OR52N4: variants seen among roughly 807,000 people sequenced by gnomAD.
The protein encoded by OR52N4 is olfactory receptor family 52 subfamily N member 4, also known as olfactory receptor 52N4.
Under a neutral mutation model 15.0 loss-of-function variants are expected in OR52N4, and 15 were observed. That is an observed-to-expected ratio of 1.00 (90% CI 0.67 to 1.54). OR52N4 has a LOEUF of 1.54. Among genes scored for constraint, OR52N4 ranks in the 40% most tolerant of loss-of-function variants. The probability of loss-of-function intolerance (pLI) is 0.00; values close to 1 mark genes in which losing one functional copy is unlikely to be tolerated. For missense variants in OR52N4, 421 were observed against 394.0 expected (o/e 1.07, Z -0.58); for synonymous variants, 143 against 143.7 (o/e 1.00, Z 0.03).
the OR52N4 span, among the ~76,000 whole-genome samples, chr11:5,733,897 A>G: frequency 6.6e-6 from 1 of 152,188 alleles, no homozygotes; most frequent in Non-Finnish European, 1.5e-5. Context: ...AAATGAAGAT[A>G]TTCTTCTATT....
chr11:5,729,269 G>A, the OR52N4 span, among the ~76,000 whole-genome samples: 11 of 151,504 alleles, frequency 7.3e-5, no homozygotes, highest in South Asian at 2.1e-4. Context: ...ACAGGCACCC[G>A]CCAACACACC....
the OR52N4 span, chr11:5,734,375 A>G: frequency 0.84 from 256,957 of 304,422 alleles, 109,291 homozygotes; most frequent in African/African-American, 0.97. Flanking sequence ...ATAGAGGATT[A>G]GAGGGCCTTT....
upstream of OR52N4, among the ~76,000 whole-genome samples, chr11:5,752,832 TTTTCTA>T (rs1035367292): frequency 6.6e-6 from 1 of 152,184 alleles, no homozygotes; most frequent in Non-Finnish European, 1.5e-5. Context: ...TTAAAAAGAT[TTTTCTA>T]TTTCTAATAG....
the OR52N4 span, among the ~76,000 whole-genome samples, chr11:5,733,242 C>T: frequency 2.6e-5 from 4 of 152,114 alleles, no homozygotes; most frequent in African/African-American, 4.8e-5. Context: ...CTCAACAGCA[C>T]CATCTCACAT....
upstream of OR52N4, among the ~76,000 whole-genome samples, chr11:5,751,138 C>A (rs1854181759): frequency 6.6e-6 from 1 of 151,870 alleles, no homozygotes; most frequent in Non-Finnish European, 1.5e-5. Context: ...GCTTTGAATT[C>A]TTTTTTCTAG....
chr11:5,729,280 C>T, the OR52N4 span, among the ~76,000 whole-genome samples: 3 of 151,930 alleles, frequency 2.0e-5, no homozygotes, highest in East Asian at 1.9e-4. Context: ...CCAACACACC[C>T]GGCTAATTTT....
the OR52N4 span, among the ~76,000 whole-genome samples, chr11:5,741,052 G>A: frequency 2.8e-5 from 2 of 70,770 alleles, 1 homozygote; most frequent in African/African-American, 9.6e-5. Flanking sequence ...ACACTCTCAT[G>A]CAGGAAGATA....
the OR52N4 span, among the ~76,000 whole-genome samples, chr11:5,729,443 A>G: frequency 6.6e-6 from 1 of 152,220 alleles, no homozygotes; most frequent in South Asian, 2.1e-4. Flanking sequence ...TAGATTTTTA[A>G]GATTTATATA....
chr11:5,740,628 G>C, the OR52N4 span, among the ~76,000 whole-genome samples: 2 of 124,942 alleles, frequency 1.6e-5, 1 homozygote, highest in Non-Finnish European at 3.5e-5. Flanking sequence ...GGCAGTGAGG[G>C]AAACCCCGTC....
the OR52N4 span, among the ~76,000 whole-genome samples, chr11:5,729,842 T>G: frequency 6.6e-6 from 1 of 152,232 alleles, no homozygotes; most frequent in African/African-American, 2.4e-5. Context: ...TATAAACTTT[T>G]GATGTGTATA....
chr11:5,737,852 C>G, the OR52N4 span: 1 of 178,596 alleles, frequency 5.6e-6, no homozygotes, highest in Non-Finnish European at 1.2e-5. Flanking sequence ...GGACATGAAT[C>G]ACAGGTCATG....
In OR52N4 at chr11:5,755,030, A is replaced by G; in HGVS notation, c.290A>G (p.Asp97Gly). 2 of 1,613,990 alleles carry G rather than the reference A, an allele frequency of 1.2e-6. No homozygotes were observed. The highest frequency in any genetic ancestry group is 1.7e-6 in the Non-Finnish European group (2 of 1,179,950). The change falls in exon 2 of 2, where the codon GAT (aspartate) becomes GGT (glycine). Residue 97 changes from aspartate to glycine, a missense_variant. By Grantham distance (94) the Asp-to-Gly change is moderately conservative. Coordinates refer to ENST00000641350, the MANE Select transcript of OR52N4 (RefSeq NM_001005175.5). ...TTTCATCTCAAGGACATTGGATTTGATGAATGCCTTGTCCAGATGTTCTTC... is the reference window on the plus strand; with the variant it reads ...TTTCATCTCAAGGACATTGGATTTGGTGAATGCCTTGTCCAGATGTTCTTC... ...FWFHLKDIGF[D>G]ECLVQMFFTH...
At chr11:5,751,783 A>C (rs1222055183), upstream of OR52N4, among the ~76,000 whole-genome samples, 1 of 152,154 alleles carries the variant, frequency 6.6e-6, no homozygotes, top group African/African-American at 2.4e-5. Flanking sequence ...AGAATTCCTA[A>C]ATATAAGTTG....
upstream of OR52N4, among the ~76,000 whole-genome samples, chr11:5,752,464 G>T (rs1355638798): frequency 6.6e-6 from 1 of 151,940 alleles, no homozygotes; most frequent in Non-Finnish European, 1.5e-5. Flanking sequence ...CCTCTGATGG[G>T]GCACAAAAGA....
In OR52N4 at chr11:5,755,646, A is replaced by G. The variant is rs186724400; in HGVS notation, c.906A>G (p.Ile302Met). 6.2e-7 allele frequency: 1 copy of G among 1,613,836 alleles called. No homozygotes were observed. Among genetic ancestry groups the G allele is most frequent in the South Asian group, 1.1e-5 (1 of 91,084 alleles). Residue 302 changes from isoleucine to methionine, a missense_variant, in exon 2 of 2, where the codon ATA becomes ATG. Physicochemically the swap from Ile to Met is conservative, Grantham distance 10. Coordinates refer to ENST00000641350, the MANE Select transcript of OR52N4 (RefSeq NM_001005175.5). ...TCTATGGGGTGAAAACCAAACAGAT[A>G]CGAGACTGTGTCATAAGGATCCTTT... ...PIVYGVKTKQ[I>M]RDCVIRILSG... is the part of the protein sequence containing the mutation.
chr11:5,743,245 A>G, the OR52N4 span, among the ~76,000 whole-genome samples: 1 of 152,178 alleles, frequency 6.6e-6, no homozygotes, highest in African/African-American at 2.4e-5. Flanking sequence ...AACAAATACT[A>G]TTGGACCTAA....
the OR52N4 span, among the ~76,000 whole-genome samples, chr11:5,742,087 C>G: frequency 6.7e-6 from 1 of 149,850 alleles, no homozygotes; most frequent in Non-Finnish European, 1.5e-5. Context: ...TTAAATTAAC[C>G]TAGAAGAAAG....
At chr11:5,738,888 A>AC in the OR52N4 span, among the ~76,000 whole-genome samples, 2 of 64,740 alleles carry the variant, frequency 3.1e-5, 1 homozygote, top group Non-Finnish European at 7.3e-5. Flanking sequence ...TAATGCCATT[A>AC]AATAGCTAGG....
At position 5,754,888 on chromosome 11, in the gene OR52N4, C is replaced by T. The variant is rs1854266000; in HGVS notation, c.148C>T (p.Leu50Phe). ...GGTAGGGAATTGTGGACTCCTCTAC[C>T]TCATTCACTATGAGGATGCCCTGCA... The part of the protein sequence containing the change: ...AMVGNCGLLY[L>F]IHYEDALHKP... Residue 50 changes from leucine to phenylalanine, a missense_variant, in exon 2 of 2, where the codon CTC becomes TTC. Coordinates refer to ENST00000641350, the MANE Select transcript of OR52N4 (RefSeq NM_001005175.5). 3 of 1,613,820 alleles carry T rather than the reference C, an allele frequency of 1.9e-6. No homozygotes were observed. Among genetic ancestry groups the T allele is most frequent in the South Asian group, 1.1e-5 (1 of 91,082 alleles).
Sources: gnomAD v4.1 joint callset for allele counts (sites outside exome capture counted in the v4.1 genomes callset) on GRCh38, gnomAD v4.1.1 for gene constraint, MANE v1.5 for transcripts, NCBI Gene and HGNC (gene_info 2026-07-23, HGNC 2026-07-21) for gene names.